The following RBFOX1 variants were observed in gnomAD, a reference collection of about 807,000 sequenced individuals.
RBFOX1 encodes RNA binding protein fox-1 homolog 1.
Under a neutral mutation model 57.7 loss-of-function variants are expected in RBFOX1, and 8 were observed. That is an observed-to-expected ratio of 0.14 (90% CI 0.08 to 0.25). The LOEUF is 0.25. RBFOX1 is among the 10% of genes least tolerant of loss of function. The pLI is 1.00. For missense variants in RBFOX1, 611 were observed against 548.5 expected (o/e 1.11, Z -1.14); for synonymous variants, 326 against 222.4 (o/e 1.47, Z -4.15).
intron 1 of RBFOX1, among the ~76,000 whole-genome samples, chr16:6,158,049 T>C (rs1260053270): frequency 1.3e-5 from 2 of 152,170 alleles, no homozygotes; most frequent in African/African-American, 2.4e-5. Context: ...CAGCAAATCA[T>C]ATCCAAACCA....
intron 2 of RBFOX1, among the ~76,000 whole-genome samples, chr16:6,392,484 A>T (rs1034406275): frequency 6.6e-6 from 1 of 152,218 alleles, no homozygotes; most frequent in African/African-American, 2.4e-5. Flanking sequence ...TACTGTTTTC[A>T]TTTGTAAAAG....
chr16:7,536,195 A>G (rs1490532337), intron 5 of RBFOX1, among the ~76,000 whole-genome samples: 1 of 152,212 alleles, frequency 6.6e-6, no homozygotes, highest in Non-Finnish European at 1.5e-5. Context: ...ATTTGCAAAA[A>G]CTTCTGTGAA....
intron 3 of RBFOX1, among the ~76,000 whole-genome samples, chr16:5,699,221 C>T (rs1036194482): frequency 2.6e-5 from 4 of 151,882 alleles, no homozygotes; most frequent in African/African-American, 4.8e-5. Context: ...TTCCTGACCT[C>T]GTGATACATC....
rs549174714 is a variant in RBFOX1, at chr16:5,849,821, T to A, written c.319-17482T>A. On this transcript the variant is annotated intron_variant, in intron 3 of 19. Transcript: ENST00000641259. The stretch of plus-strand genomic sequence containing the variant: ...TGGAATTTTGAGTTGTGCTGTCATT[T>A]GTTCCCAAGAAGTATTCTTTTCCCA... Among the ~76,000 whole-genome samples, 7 of 152,342 alleles carry A rather than the reference T, an allele frequency of 4.6e-5. No homozygotes were observed. In the South Asian group the frequency reaches 1.2e-3, roughly 27 times the overall value.
intron 10 of RBFOX1, among the ~76,000 whole-genome samples, chr16:7,618,656 G>A (rs1280826959): frequency 7.3e-5 from 11 of 151,694 alleles, no homozygotes; most frequent in Middle Eastern, 6.3e-3. Context: ...AACAAATTAA[G>A]TTGGTGTATA....
chr16:6,694,992 A>T (rs889294056), intron 3 of RBFOX1, among the ~76,000 whole-genome samples: 1 of 152,170 alleles, frequency 6.6e-6, no homozygotes, highest in Non-Finnish European at 1.5e-5. Flanking sequence ...AGGGAAAAAA[A>T]TGACACATAG....
At chr16:5,469,394 A>G (rs988613199) in intron 2 of RBFOX1, among the ~76,000 whole-genome samples, 1 of 152,206 alleles carries the variant, frequency 6.6e-6, no homozygotes, top group African/African-American at 2.4e-5. Context: ...GTGGGGGAGC[A>G]GTTTATAACA....
At chr16:7,353,095 C>G (rs1424709844) in intron 4 of RBFOX1, among the ~76,000 whole-genome samples, 1 of 152,118 alleles carries the variant, frequency 6.6e-6, no homozygotes, top group African/African-American at 2.4e-5. Flanking sequence ...ATACCTTTGA[C>G]CAGTTGTCTA....
chr16:5,520,901 G>A (rs1042947812), intron 2 of RBFOX1, among the ~76,000 whole-genome samples: 2 of 152,160 alleles, frequency 1.3e-5, no homozygotes, highest in African/African-American at 4.8e-5. Flanking sequence ...CATGGGGTCT[G>A]CTCCTTCATT....
At chr16:7,044,797 G>A (rs1197181158) in intron 3 of RBFOX1, among the ~76,000 whole-genome samples, 1 of 152,172 alleles carries the variant, frequency 6.6e-6, no homozygotes, top group African/African-American at 2.4e-5. Context: ...AGAATGCACA[G>A]GCAGGGTCTT....
chr16:6,083,014 G>GTTTTTT (rs34358141), intron 1 of RBFOX1, among the ~76,000 whole-genome samples: 1 of 151,058 alleles, frequency 6.6e-6, no homozygotes, highest in East Asian at 2.0e-4. Flanking sequence ...TTGTTTGTTT[G>GTTTTTT]TTTTTTAGAT....
chr16:7,016,380 T>C (rs1568381357), intron 3 of RBFOX1, among the ~76,000 whole-genome samples: 1 of 152,158 alleles, frequency 6.6e-6, no homozygotes, highest in East Asian at 1.9e-4. Context: ...AGAAGAAGCC[T>C]TTCGGATACT....
intron 4 of RBFOX1, among the ~76,000 whole-genome samples, chr16:5,875,751 G>T (rs771605158): frequency 1.3e-5 from 2 of 152,094 alleles, no homozygotes; most frequent in African/African-American, 4.8e-5. Context: ...AGGGTCTCTG[G>T]AAAAGTGAAC....
At chr16:6,167,575 C>A (rs2096927203) in intron 1 of RBFOX1, among the ~76,000 whole-genome samples, 1 of 152,152 alleles carries the variant, frequency 6.6e-6, no homozygotes, top group Non-Finnish European at 1.5e-5. Flanking sequence ...GTCAGTACTG[C>A]CTCTTTTGAT....
At chr16:6,070,877 G>A (rs573047459) in intron 1 of RBFOX1, among the ~76,000 whole-genome samples, 6 of 151,592 alleles carry the variant, frequency 4.0e-5, no homozygotes, top group Non-Finnish European at 5.9e-5. Flanking sequence ...GACAGTAGCC[G>A]TATAATTTAA....
chr16:6,805,030 C>G (rs571193617), intron 3 of RBFOX1, among the ~76,000 whole-genome samples: 2 of 152,270 alleles, frequency 1.3e-5, no homozygotes, highest in East Asian at 3.9e-4. Context: ...ACCTACCAGT[C>G]CCATTACTGG....
At chr16:7,054,131 C>T (rs963812457) in intron 4 of RBFOX1, among the ~76,000 whole-genome samples, 4 of 136,654 alleles carry the variant, frequency 2.9e-5, no homozygotes, top group Non-Finnish European at 4.5e-5. Context: ...CTCCCTCCCT[C>T]TTTTCCTTTC....
At chr16:6,210,659 G>A (rs2097290343) in intron 1 of RBFOX1, among the ~76,000 whole-genome samples, 1 of 152,012 alleles carries the variant, frequency 6.6e-6, no homozygotes, top group Non-Finnish European at 1.5e-5. Flanking sequence ...GAAGGTTGAG[G>A]CTGCATTGAG....
At chr16:5,381,534 C>G (rs1034272663) in intron 1 of RBFOX1, among the ~76,000 whole-genome samples, 2 of 152,158 alleles carry the variant, frequency 1.3e-5, no homozygotes, top group African/African-American at 4.8e-5. Flanking sequence ...ATAGACCACA[C>G]TGGGTAGTGA....
Sources: gnomAD v4.1 joint callset for allele counts (sites outside exome capture counted in the v4.1 genomes callset) on GRCh38, gnomAD v4.1.1 for gene constraint, MANE v1.5 for transcripts, NCBI Gene and HGNC (gene_info 2026-07-23, HGNC 2026-07-21) for gene names.